The following GSE1 variants were observed in gnomAD, a reference collection of about 807,000 sequenced individuals.
GSE1 encodes the protein genetic suppressor element 1.
Under a neutral mutation model 112.6 loss-of-function variants are expected in GSE1, and 32 were observed. The observed-to-expected ratio is 0.28, with a 90% confidence interval of 0.21 to 0.38. GSE1 has a LOEUF of 0.38. GSE1 is among the 10% of genes least tolerant of loss of function. The probability of loss-of-function intolerance (pLI) is 1.00; values close to 1 mark genes in which losing one functional copy is unlikely to be tolerated. For missense variants in GSE1, 2,348 were observed against 1,699.2 expected (o/e 1.38, Z -6.71); for synonymous variants, 1,115 against 735.6 (o/e 1.52, Z -8.35).
chr16:85,439,394 G>C (rs765952075), intron 2 of GSE1, among the ~76,000 whole-genome samples: 84 of 152,350 alleles, frequency 5.5e-4, no homozygotes, highest in Non-Finnish European at 8.7e-4. Flanking sequence ...GGCTCTCTCA[G>C]CCTTGGAGGC....
intron 2 of GSE1, among the ~76,000 whole-genome samples, chr16:85,526,521 G>A (rs1054469866): frequency 6.6e-6 from 1 of 152,222 alleles, no homozygotes; most frequent in Non-Finnish European, 1.5e-5. Flanking sequence ...CAAAGGCAGC[G>A]GCTGCCTGGG....
At chr16:85,363,179 C>T (rs549779985) in intron 2 of GSE1, among the ~76,000 whole-genome samples, 23 of 152,276 alleles carry the variant, frequency 1.5e-4, no homozygotes, top group African/African-American at 5.3e-4. Flanking sequence ...CAGACCCTAC[C>T]GCTGAGTTTG....
intron 1 of GSE1, among the ~76,000 whole-genome samples, chr16:85,331,517 G>T (rs62048471): frequency 9.0e-6 from 1 of 110,922 alleles, no homozygotes; most frequent in Non-Finnish European, 1.9e-5. Flanking sequence ...ATGTATATAT[G>T]TGTATATATG....
intron 1 of GSE1, among the ~76,000 whole-genome samples, chr16:85,239,868 A>T (rs146516806): frequency 2.0e-5 from 3 of 152,224 alleles, no homozygotes; most frequent in Non-Finnish European, 4.4e-5. Context: ...TCCCAAACCA[A>T]CGGAAAGTCT....
intron 7 of GSE1, 78 bp downstream of exon 7, chr16:85,656,743 C>T (rs905848381): frequency 1.3e-4 from 180 of 1,433,410 alleles, no homozygotes; most frequent in Non-Finnish European, 1.5e-4. Context: ...CAGCACCTGC[C>T]GGTTGCCGTG....
chr16:85,337,186 C>A (rs2046508981), intron 1 of GSE1, among the ~76,000 whole-genome samples: 4 of 152,260 alleles, frequency 2.6e-5, no homozygotes, highest in Admixed American at 2.0e-4. Context: ...TGTGGGCACC[C>A]CCGCCTGCTC....
chr16:85,237,980 T>C (rs1243358816), intron 1 of GSE1, among the ~76,000 whole-genome samples: 1 of 151,992 alleles, frequency 6.6e-6, no homozygotes, highest in Non-Finnish European at 1.5e-5. Flanking sequence ...GTTGAATGAA[T>C]GAATGAATGA....
chr16:85,645,479 C>T (rs908529765), intron 2 of GSE1, among the ~76,000 whole-genome samples: 1 of 152,196 alleles, frequency 6.6e-6, no homozygotes, highest in Non-Finnish European at 1.5e-5. Context: ...CAGGAAGCAA[C>T]GGACTTGCCC....
intron 1 of GSE1, among the ~76,000 whole-genome samples, chr16:85,181,418 C>G (rs2074581196): frequency 2.0e-5 from 3 of 152,238 alleles, no homozygotes; most frequent in Admixed American, 6.5e-5. Flanking sequence ...ACTGCCTCAG[C>G]CTTTCCCCTG....
intron 2 of GSE1, among the ~76,000 whole-genome samples, chr16:85,409,308 C>T (rs112366929): frequency 3.5e-4 from 15 of 43,432 alleles, no homozygotes; most frequent in South Asian, 1.2e-3. Context: ...ACACTCAGGG[C>T]CCCCCGGATA....
chr16:85,648,416 G>A (rs1373820701), intron 2 of GSE1, 136 bp from the exon 3 acceptor site: 1 of 588,036 alleles, frequency 1.7e-6, no homozygotes, highest in South Asian at 2.2e-5. Context: ...TTGGGTGGGG[G>A]CCCATGAGGC....
intron 2 of GSE1, among the ~76,000 whole-genome samples, chr16:85,375,379 G>C (rs1322705708): frequency 2.6e-5 from 4 of 152,202 alleles, no homozygotes; most frequent in African/African-American, 9.6e-5. Context: ...CCGCAGCCAT[G>C]AGGGAGGTTC....
chr16:85,191,736 C>A (rs1597760952), intron 1 of GSE1, among the ~76,000 whole-genome samples: 1 of 152,194 alleles, frequency 6.6e-6, no homozygotes, highest in Non-Finnish European at 1.5e-5. Flanking sequence ...CGGAACTTAT[C>A]CCTCACCTCG....
At chr16:85,211,814 C>T (rs2075231050) in intron 1 of GSE1, among the ~76,000 whole-genome samples, 1 of 152,246 alleles carries the variant, frequency 6.6e-6, no homozygotes, top group Admixed American at 6.5e-5. Flanking sequence ...CTGACCCGGG[C>T]TCTTCCCCAG....
intron 8 of GSE1, among the ~76,000 whole-genome samples, chr16:85,658,802 A>ATAT: frequency 7.2e-6 from 1 of 139,024 alleles, no homozygotes; most frequent in Non-Finnish European, 1.7e-5. Context: ...TCCTGTAGGC[A>ATAT]TCTTCTTCCT....
rs116942757 is a variant in GSE1, at chr16:85,524,601, C to T, written c.2465-109313C>T. Among the ~76,000 whole-genome samples, 521 of 152,180 alleles carry T rather than the reference C, an allele frequency of 3.4e-3. 11 individuals carry two copies. In the East Asian group the frequency reaches 0.064, roughly 19 times the overall value. Reference sequence around the variant, plus strand: ...CCGAGGGGTGCTGAGGCCTCATGCCCTGGGCCGGGAGGGGCTGTCAGCCTC... The same window carrying T: ...CCGAGGGGTGCTGAGGCCTCATGCCTTGGGCCGGGAGGGGCTGTCAGCCTC... On this transcript the variant is annotated intron_variant, in intron 2 of 2. Coordinates refer to the GSE1 transcript ENST00000637419.
At chr16:85,208,783 CGTGTTGGGGTTCGCCT>C (rs1281731594) in intron 1 of GSE1, among the ~76,000 whole-genome samples, 2 of 151,470 alleles carry the variant, frequency 1.3e-5, no homozygotes, top group Non-Finnish European at 2.9e-5. Context: ...GGGTTCGCCG[CGTGTTGGGGTTCGCCT>C]GTGTTGGGGT....
chr16:85,207,241 C>T (rs2075134480), intron 1 of GSE1, among the ~76,000 whole-genome samples: 1 of 152,232 alleles, frequency 6.6e-6, no homozygotes, highest in South Asian at 2.1e-4. Context: ...ACTTGCTCCT[C>T]TCGGCCAGAA....
At chr16:85,625,505 C>G (rs2049010660) in intron 1 of GSE1, among the ~76,000 whole-genome samples, 1 of 152,182 alleles carries the variant, frequency 6.6e-6, no homozygotes. Flanking sequence ...TGACCTGGCC[C>G]CCCAGGTGAC....
Sources: gnomAD v4.1 joint callset for allele counts (sites outside exome capture counted in the v4.1 genomes callset) on GRCh38, gnomAD v4.1.1 for gene constraint, MANE v1.5 for transcripts, NCBI Gene and HGNC (gene_info 2026-07-23, HGNC 2026-07-21) for gene names.